GRK7: variants seen among roughly 807,000 people sequenced by gnomAD.
GRK7 encodes the protein rhodopsin kinase GRK7.
A neutral mutation model predicts 34.1 loss-of-function variants in GRK7; 24 were observed. The ratio of observed to expected loss-of-function variants is 0.70; its 90% confidence interval spans 0.51 to 0.99. The LOEUF (loss-of-function observed/expected upper bound fraction) is 0.99, where lower values mean the gene tolerates loss of function less well. Among genes scored for constraint, GRK7 ranks in the 50% least tolerant of loss-of-function variants. GRK7 has a pLI of 0.00. For synonymous variants in GRK7, 256 were observed against 279.4 expected (o/e 0.92, Z 0.84); for missense variants, 644 against 707.3 (o/e 0.91, Z 1.02).
chr3:141,815,231 TTTTGTTTGTTTGTTTG>T, intron 5 of GRK7, among the ~76,000 whole-genome samples: 1 of 148,258 alleles, frequency 6.7e-6, no homozygotes, highest in East Asian at 2.0e-4. Context: ...GGTTGGTTTT[TTTTGTTTGTTTGTTTG>T]TTTGTTTGTT....
chr3:141,751,155 G>A, the GRK7 span, among the ~76,000 whole-genome samples: 1 of 152,278 alleles, frequency 6.6e-6, no homozygotes, highest in African/African-American at 2.4e-5. Flanking sequence ...TTTTATCTGA[G>A]CCTCTAAGGA....
Position 141,780,773 on chromosome 3 carries a change from G to C in GRK7, c.1012G>C (p.Ala338Pro). The C allele has an allele frequency of 6.2e-7, 1 of 1,614,144 alleles. No individual in the cohort carries two copies. The highest frequency in any genetic ancestry group is 8.5e-7 in the Non-Finnish European group (1 of 1,180,026). ...GNCRLSDLGL[A>P]VEMKGGKPIT... is the part of the protein sequence containing the mutation. ...CTGCAGGTTATCTGACCTGGGGCTG[G>C]CCGTGGAGATGAAGGGTGGCAAGCC... is the stretch of plus-strand genomic sequence containing the variant. The change falls in exon 4 of 6, where the codon GCC becomes CCC. Residue 338 changes from alanine to proline, a missense_variant. Physicochemically the swap from Ala to Pro is conservative, Grantham distance 27. Transcript: ENST00000682958.
intron 4 of GRK7, among the ~76,000 whole-genome samples, chr3:141,797,580 A>T (rs1475905626): frequency 6.6e-6 from 1 of 152,166 alleles, no homozygotes; most frequent in Non-Finnish European, 1.5e-5. Context: ...CAAAACATGT[A>T]CATTCTGATT....
At chr3:141,786,206 G>A (rs1274375900) in intron 4 of GRK7, among the ~76,000 whole-genome samples, 2 of 152,146 alleles carry the variant, frequency 1.3e-5, no homozygotes, top group African/African-American at 2.4e-5. Flanking sequence ...TGTTGGGTGA[G>A]CTGACAGCAT....
At chr3:141,756,331 G>GGGC in the GRK7 span, among the ~76,000 whole-genome samples, 3 of 139,840 alleles carry the variant, frequency 2.1e-5, no homozygotes, top group African/African-American at 8.2e-5. Context: ...AAAAAAGGTG[G>GGGC]GGGGGTGAAA....
At chr3:141,765,759 C>T (rs907521881) in intron 1 of GRK7, among the ~76,000 whole-genome samples, 21 bp downstream of exon 1, 1 of 152,132 alleles carries the variant, frequency 6.6e-6, no homozygotes, top group Admixed American at 6.6e-5. Flanking sequence ...CAAAGAGCTG[C>T]CCAATCAAAG....
intron 4 of GRK7, among the ~76,000 whole-genome samples, chr3:141,797,266 GC>G (rs1399981213): frequency 6.6e-6 from 1 of 152,222 alleles, no homozygotes; most frequent in African/African-American, 2.4e-5. Context: ...CAGAAAGCGA[GC>G]CCTGAGAAGC....
chr3:141,751,084 A>G, the GRK7 span, among the ~76,000 whole-genome samples: 6 of 152,162 alleles, frequency 3.9e-5, no homozygotes, highest in African/African-American at 1.4e-4. Flanking sequence ...CCAGATGAAA[A>G]TCTTGCTCAA....
At chr3:141,815,184 C>G (rs897367084) in intron 5 of GRK7, among the ~76,000 whole-genome samples, 9 of 151,992 alleles carry the variant, frequency 5.9e-5, no homozygotes, top group Non-Finnish European at 1.3e-4. Flanking sequence ...CTTGGCCTCT[C>G]AAAGTGCTAG....
chr3:141,796,189 G>A (rs955862553), intron 4 of GRK7, among the ~76,000 whole-genome samples: 10 of 152,170 alleles, frequency 6.6e-5, no homozygotes, highest in South Asian at 2.1e-4. Context: ...GGGGGCTGAC[G>A]TCACATGGGA....
At chr3:141,803,020 T>A (rs1394928830) in intron 4 of GRK7, among the ~76,000 whole-genome samples, 2 of 152,104 alleles carry the variant, frequency 1.3e-5, no homozygotes, top group African/African-American at 4.8e-5. Flanking sequence ...TCAGAAAAAA[T>A]TCAGAAAGAA....
upstream of GRK7, among the ~76,000 whole-genome samples, chr3:141,762,554 A>G (rs997452106): frequency 2.6e-5 from 4 of 151,354 alleles, no homozygotes; most frequent in Admixed American, 6.6e-5. Flanking sequence ...TGCAGAGGTT[A>G]CTGCTGTCTT....
chr3:141,784,524 C>T (rs2084686806), intron 4 of GRK7, among the ~76,000 whole-genome samples: 1 of 152,100 alleles, frequency 6.6e-6, no homozygotes, highest in East Asian at 1.9e-4. Flanking sequence ...CACTGTTTAC[C>T]CTTCTACACA....
the GRK7 span, among the ~76,000 whole-genome samples, chr3:141,751,706 A>G: frequency 1.3e-5 from 2 of 152,246 alleles, no homozygotes; most frequent in African/African-American, 4.8e-5. Context: ...TAGTATAGCT[A>G]CTAGCCACAT....
upstream of GRK7, among the ~76,000 whole-genome samples, chr3:141,762,657 C>G (rs1360633546): frequency 6.6e-6 from 1 of 151,908 alleles, no homozygotes; most frequent in African/African-American, 2.4e-5. Context: ...TTGGAGCTTC[C>G]CGGCTGCTTT....
At chr3:141,802,199 AAAAATT>A (rs1367825816) in intron 4 of GRK7, among the ~76,000 whole-genome samples, 2 of 152,142 alleles carry the variant, frequency 1.3e-5, no homozygotes, top group Admixed American at 6.5e-5. Context: ...CCAAAGAAAA[AAAAATT>A]AACCAGGCAT....
At chr3:141,813,001 G>C (rs1045209523) in intron 5 of GRK7, among the ~76,000 whole-genome samples, 2 of 152,040 alleles carry the variant, frequency 1.3e-5, no homozygotes, top group African/African-American at 2.4e-5. Context: ...TGATTTATTT[G>C]GATGGCATTC....
chr3:141,787,516 C>G (rs2084702613), intron 4 of GRK7, among the ~76,000 whole-genome samples: 1 of 151,232 alleles, frequency 6.6e-6, no homozygotes, highest in East Asian at 2.0e-4. Context: ...CCCAGCTACT[C>G]AAGTGGCTGA....
chr3:141,755,065 C>T, the GRK7 span, among the ~76,000 whole-genome samples: 1 of 152,124 alleles, frequency 6.6e-6, no homozygotes, highest in Admixed American at 6.5e-5. Flanking sequence ...TTTCTAAACT[C>T]GAATTTTATG....
Sources: gnomAD v4.1 joint callset for allele counts (sites outside exome capture counted in the v4.1 genomes callset) on GRCh38, gnomAD v4.1.1 for gene constraint, MANE v1.5 for transcripts, NCBI Gene and HGNC (gene_info 2026-07-23, HGNC 2026-07-21) for gene names.